The following GDAP2 variants were observed in gnomAD, a reference collection of about 807,000 sequenced individuals.
The protein encoded by GDAP2 is ganglioside induced differentiation associated protein 2.
A neutral mutation model predicts 67.0 loss-of-function variants in GDAP2; 51 were observed. The ratio of observed to expected loss-of-function variants is 0.76; its 90% CI spans 0.61 to 0.96. The LOEUF is 0.96. Ranked by LOEUF, GDAP2 falls within the 40% of genes least tolerant of loss-of-function variation. The pLI is 0.00. For synonymous variants in GDAP2, 203 were observed against 207.3 expected (o/e 0.98, Z 0.18); for missense variants, 547 against 588.3 (o/e 0.93, Z 0.73).
chr1:117,890,658 C>T (rs1649041899), intron 8 of GDAP2, among the ~76,000 whole-genome samples: 1 of 152,034 alleles, frequency 6.6e-6, no homozygotes, highest in African/African-American at 2.4e-5. Context: ...TAACCATGTG[C>T]TACTTCCCAC....
At position 117,878,161 on chromosome 1, in the gene GDAP2, T is replaced by C. The variant is rs183177558; in HGVS notation, c.1303-9A>G. Reference sequence around the variant, plus strand: ...AAAAACCATGTTGACACCTGATTAATAGAAGAGAAAAAATAATTTAAGCTA... The same window carrying C: ...AAAAACCATGTTGACACCTGATTAACAGAAGAGAAAAAATAATTTAAGCTA... On this transcript the variant is annotated splice_polypyrimidine_tract_variant and intron_variant, in intron 12 of 13. Transcript: ENST00000369443. The C allele has an allele frequency of 1.4e-5, 21 of 1,460,864 alleles. No homozygotes were observed. In the East Asian group the frequency reaches 4.0e-4, roughly 28 times the overall value. The allele number at this position is 1,460,864 out of a possible 1,614,324, so 90.5% of individuals were successfully genotyped here.
At chr1:117,878,768 T>TA (rs775552871) in intron 12 of GDAP2, among the ~76,000 whole-genome samples, 3 of 152,270 alleles carry the variant, frequency 2.0e-5, no homozygotes, top group Admixed American at 6.5e-5. Context: ...AAAAAAAGGA[T>TA]AAAAAATTCT....
Position 117,871,906 on chromosome 1 carries a change from C to T in GDAP2, c.1447-1290G>A, listed in dbSNP as rs368712574. Among the ~76,000 whole-genome samples, 40 of 152,126 alleles carry T rather than the reference C, an allele frequency of 2.6e-4. No individual in the cohort carries two copies. In the East Asian group the frequency reaches 3.7e-3, roughly 14 times the overall value. ...ATTATCATCAGAGTTGAACAGACAACCTACAGAATGGGAGAAAATTTTTGC... is the reference window on the plus strand; with the variant it reads ...ATTATCATCAGAGTTGAACAGACAATCTACAGAATGGGAGAAAATTTTTGC... On this transcript the variant is annotated intron_variant, in intron 13 of 13. Coordinates refer to ENST00000369443, the MANE Select transcript of GDAP2 (RefSeq NM_017686.4).
At chr1:117,882,501 C>T (rs1049308952) in intron 11 of GDAP2, among the ~76,000 whole-genome samples, 6 of 152,124 alleles carry the variant, frequency 3.9e-5, no homozygotes, top group African/African-American at 1.4e-4. Flanking sequence ...TCCACTATTC[C>T]ATCTGGCCTC....
intron 12 of GDAP2, 39 bp from the exon 13 acceptor site, chr1:117,878,191 C>A: frequency 8.8e-7 from 1 of 1,138,166 alleles, no homozygotes; most frequent in South Asian, 1.6e-5. Flanking sequence ...AAGCTAGTTG[C>A]CATAGTTAGA....
intron 9 of GDAP2, among the ~76,000 whole-genome samples, chr1:117,886,913 G>T (rs893229814): frequency 7.2e-5 from 11 of 152,046 alleles, no homozygotes; most frequent in African/African-American, 2.7e-4. Flanking sequence ...AACAGCCAAA[G>T]ATCTTTTAAA....
At chr1:117,928,462 A>G (rs146773343) in intron 1 of GDAP2, among the ~76,000 whole-genome samples, 1 of 152,196 alleles carries the variant, frequency 6.6e-6, no homozygotes, top group Non-Finnish European at 1.5e-5. Context: ...TATTAACCAT[A>G]CATACCCACT....
chr1:117,877,153 T>C, intron 13 of GDAP2: 2 of 251,574 alleles, frequency 7.9e-6, no homozygotes, highest in Non-Finnish European at 1.3e-5. Context: ...TTAGATCACA[T>C]TATACACTTT....
At position 117,900,783 on chromosome 1, in the gene GDAP2, G is replaced by A. The variant is rs190333712; in HGVS notation, c.637-1567C>T. ...CATCTCAAAAAAAAAAAAAAAGGCC[G>A]GGCACGGTGGCTCACGCCTATAATC... On this transcript the variant is annotated intron_variant, in intron 6 of 13. Coordinates refer to ENST00000369443, the MANE Select transcript of GDAP2 (RefSeq NM_017686.4). Among the ~76,000 whole-genome samples the A allele has an allele frequency of 6.9e-3, 1,026 of 148,552 alleles. 8 individuals carry two copies. Among genetic ancestry groups the A allele is most frequent in the African/African-American group, 0.024 (977 of 40,414 alleles).
rs1462654796 is a variant in GDAP2 at position 117,863,546 on chromosome 1, A to G, written c.*7023T>C. On this transcript the variant is annotated 3_prime_UTR_variant, in exon 14 of 14. Transcript: ENST00000369443. The stretch of plus-strand genomic sequence containing the variant: ...ATGACTGCCTTTAAATGAAATCTGT[A>G]TTTCACATCAATTTGAAATCAGCAC... 1.3e-5 allele frequency: 2 copies of G among 152,202 alleles called. No homozygotes were observed. The highest frequency in any genetic ancestry group is 4.8e-5 in the African/African-American group (2 of 41,456). 9.4% of individuals were successfully genotyped at this position (152,202 alleles called of 1,614,324 possible). A position where few individuals can be genotyped will look rare whatever the true frequency, so the allele number is the denominator to read the frequency against.
chr1:117,925,139 A>G (rs1650399273), intron 1 of GDAP2, among the ~76,000 whole-genome samples: 1 of 152,208 alleles, frequency 6.6e-6, no homozygotes, highest in Non-Finnish European at 1.5e-5. Context: ...TAAGTAATAC[A>G]TGCTTACAGA....
intron 6 of GDAP2, among the ~76,000 whole-genome samples, chr1:117,901,487 A>G (rs1649466948): frequency 6.6e-6 from 1 of 152,200 alleles, no homozygotes; most frequent in Non-Finnish European, 1.5e-5. Context: ...CCAATTAACT[A>G]TCTACGAGGG....
At chr1:117,926,671 T>C (rs3767827) in intron 1 of GDAP2, among the ~76,000 whole-genome samples, 2,075 of 152,300 alleles carry the variant, frequency 0.014, 37 homozygotes, top group South Asian at 0.093. Flanking sequence ...AAAAACCTGA[T>C]CCCTGAGAGA....
chr1:117,905,818 C>T (rs1649633955), intron 6 of GDAP2, among the ~76,000 whole-genome samples: 1 of 151,890 alleles, frequency 6.6e-6, no homozygotes, highest in Non-Finnish European at 1.5e-5. Flanking sequence ...ATATATGTAG[C>T]TATATATGCC....
rs893179532 is a variant in GDAP2, at chr1:117,865,846, T to G, written c.*4723A>C. ...GAGTCACTAATATCTAAAATGATCTTGATACCATCTGTTTAAGGACTAGTT... is the reference window on the plus strand; with the variant it reads ...GAGTCACTAATATCTAAAATGATCTGGATACCATCTGTTTAAGGACTAGTT... On this transcript the variant is annotated 3_prime_UTR_variant, in exon 14 of 14. Transcript: ENST00000369443. The G allele has an allele frequency of 2.0e-5, 3 of 152,212 alleles. No individual in the cohort carries two copies. Among genetic ancestry groups the G allele is most frequent in the African/African-American group, 4.8e-5 (2 of 41,450 alleles). 9.4% of individuals were successfully genotyped at this position (152,212 alleles called of 1,614,324 possible).
intron 6 of GDAP2, among the ~76,000 whole-genome samples, chr1:117,902,036 G>T (rs538137741): frequency 6.6e-6 from 1 of 152,270 alleles, no homozygotes; most frequent in South Asian, 2.1e-4. Flanking sequence ...TCTGGCTCAG[G>T]ATTTCCTCAC....
intron 5 of GDAP2, among the ~76,000 whole-genome samples, chr1:117,908,705 G>T (rs1461233341): frequency 6.6e-6 from 1 of 151,904 alleles, no homozygotes; most frequent in African/African-American, 2.4e-5. Context: ...CATGCCTGTA[G>T]TCCTAGCTAC....
At chr1:117,885,299 G>C (rs1224888344) in intron 10 of GDAP2, among the ~76,000 whole-genome samples, 1 of 151,806 alleles carries the variant, frequency 6.6e-6, no homozygotes, top group African/African-American at 2.4e-5. Context: ...AACTTCTTAA[G>C]TTTTTATCAC....
chr1:117,879,097 T>C (rs746120005), intron 12 of GDAP2, among the ~76,000 whole-genome samples: 1 of 152,138 alleles, frequency 6.6e-6, no homozygotes, highest in Non-Finnish European at 1.5e-5. Flanking sequence ...CAGGACAACA[T>C]GAAAATTAAT....
Sources: gnomAD v4.1 joint callset for allele counts (sites outside exome capture counted in the v4.1 genomes callset) on GRCh38, gnomAD v4.1.1 for gene constraint, MANE v1.5 for transcripts, NCBI Gene and HGNC (gene_info 2026-07-23, HGNC 2026-07-21) for gene names.